Variants in MCF2L2 observed in about 807,000 individuals in gnomAD.
MCF2L2 encodes the protein probable guanine nucleotide exchange factor MCF2L2.
Under a neutral mutation model 150.2 loss-of-function variants are expected in MCF2L2, and 102 were observed. The observed-to-expected ratio is 0.68, with a 90% confidence interval of 0.58 to 0.80. MCF2L2 has a LOEUF of 0.80. Among genes scored for constraint, MCF2L2 ranks in the 30% least tolerant of loss-of-function variants. The pLI, the probability that MCF2L2 is intolerant of heterozygous loss-of-function variation, is 0.00. For missense variants in MCF2L2, 1,256 were observed against 1,372.8 expected (o/e 0.91, Z 1.34); for synonymous variants, 465 against 491.3 (o/e 0.95, Z 0.71).
chr3:183,217,515 A>G (rs1259176756), intron 21 of MCF2L2, among the ~76,000 whole-genome samples: 1 of 152,080 alleles, frequency 6.6e-6, no homozygotes, highest in Non-Finnish European at 1.5e-5. Context: ...CAATCTGAGT[A>G]TCATATTCCT....
chr3:183,206,109 G>C lies in MCF2L2; in HGVS notation c.2805+13C>G, dbSNP rs1341094529. The C allele has an allele frequency of 6.2e-7, 1 of 1,611,048 alleles. No individual in the cohort carries two copies. ...AGAGTAGAGGAGACCCATGGGGAAG[G>C]CATGAGCGTTACCTGCAGGATGTAT... On this transcript the variant is annotated intron_variant, in intron 24 of 29. Coordinates refer to ENST00000328913, the MANE Select transcript of MCF2L2 (RefSeq NM_015078.4).
chr3:183,284,143 G>C (rs1727659093), intron 14 of MCF2L2, among the ~76,000 whole-genome samples: 1 of 152,122 alleles, frequency 6.6e-6, no homozygotes, highest in Non-Finnish European at 1.5e-5. Context: ...ATTGGTGAAA[G>C]AGCAAGGCCA....
At chr3:183,397,891 G>T (rs1714549513) in intron 1 of MCF2L2, among the ~76,000 whole-genome samples, 1 of 152,130 alleles carries the variant, frequency 6.6e-6, no homozygotes, top group Admixed American at 6.5e-5. Flanking sequence ...TTAAATAAAT[G>T]ATGATAAAGC....
intron 15 of MCF2L2, among the ~76,000 whole-genome samples, chr3:183,243,921 G>T (rs1286899161): frequency 6.6e-6 from 1 of 152,064 alleles, no homozygotes; most frequent in African/African-American, 2.4e-5. Flanking sequence ...CGGATCACGA[G>T]GTCAGGAGAC....
chr3:183,368,861 C>G (rs1364284475), intron 3 of MCF2L2, among the ~76,000 whole-genome samples: 1 of 152,178 alleles, frequency 6.6e-6, no homozygotes, highest in Non-Finnish European at 1.5e-5. Flanking sequence ...ACTGAATGTA[C>G]ATCATTACTA....
intron 3 of MCF2L2, among the ~76,000 whole-genome samples, chr3:183,355,857 A>C (rs995914959): frequency 6.6e-6 from 1 of 152,050 alleles, no homozygotes; most frequent in South Asian, 2.1e-4. Context: ...GATGCCCCAG[A>C]TTCTGCATTT....
Position 183,179,923 on chromosome 3 carries a change from G to C in MCF2L2, c.3105+148C>G. On this transcript the variant is annotated intron_variant, in intron 28 of 29. Transcript: ENST00000328913. The surrounding 1 kb of genome is among the most constrained non-coding windows in gnomAD (Gnocchi z 4.2). ...GGGTCAGAGCCAGTTTGAGGGTCTG[G>C]TGACCTCGGCTCCCTGGCTTAACCA... The C allele has an allele frequency of 1.3e-6, 1 of 767,404 alleles. No homozygotes were observed. Among genetic ancestry groups the C allele is most frequent in the East Asian group, 2.5e-5 (1 of 40,816 alleles). The allele number at this position is 767,404 out of a possible 1,614,324, so 47.5% of individuals were successfully genotyped here.
chr3:183,358,983 G>A (rs1711960082), intron 3 of MCF2L2, among the ~76,000 whole-genome samples: 1 of 151,150 alleles, frequency 6.6e-6, no homozygotes, highest in South Asian at 2.1e-4. Context: ...TGATCATGAA[G>A]CAGTGGAAAA....
chr3:183,336,646 G>A (rs1242209192), intron 5 of MCF2L2, among the ~76,000 whole-genome samples: 1 of 150,956 alleles, frequency 6.6e-6, no homozygotes, highest in Non-Finnish European at 1.5e-5. Flanking sequence ...TCAGGAGTTC[G>A]AGACCAGCCT....
chr3:183,291,226 G>A (rs570298359), intron 13 of MCF2L2, among the ~76,000 whole-genome samples: 15 of 152,286 alleles, frequency 9.8e-5, no homozygotes, highest in African/African-American at 3.6e-4. Context: ...GCCTGTCCTT[G>A]ACACTGTAAG....
At chr3:183,340,347 A>G (rs573960021) in intron 4 of MCF2L2, among the ~76,000 whole-genome samples, 1 of 152,192 alleles carries the variant, frequency 6.6e-6, no homozygotes, top group South Asian at 2.1e-4. Context: ...GCTTTACCAC[A>G]CTACCACATC....
chr3:183,351,212 A>ATATATATATATATG (rs1731111819), intron 3 of MCF2L2, among the ~76,000 whole-genome samples: 1 of 82,118 alleles, frequency 1.2e-5, no homozygotes, highest in Non-Finnish European at 2.3e-5. Flanking sequence ...ATATATATAT[A>ATATATATATATATG]TATATATATA....
At chr3:183,306,766 T>G (rs1729119176) in intron 10 of MCF2L2, among the ~76,000 whole-genome samples, 1 of 152,222 alleles carries the variant, frequency 6.6e-6, no homozygotes, top group East Asian at 1.9e-4. Context: ...CACAAAGCCA[T>G]GACCCTCCAA....
intron 15 of MCF2L2, among the ~76,000 whole-genome samples, chr3:183,252,980 G>T (rs1445233686): frequency 6.6e-6 from 1 of 152,204 alleles, no homozygotes; most frequent in African/African-American, 2.4e-5. Flanking sequence ...TCTAAAGGAG[G>T]AAAATAGCTC....
At chr3:183,266,605 A>G (rs1415358621) in intron 15 of MCF2L2, among the ~76,000 whole-genome samples, 2 of 152,186 alleles carry the variant, frequency 1.3e-5, no homozygotes, top group Non-Finnish European at 1.5e-5. Flanking sequence ...TGAGAGAGCA[A>G]CTGAGAGAAA....
At chr3:183,218,217 G>A (rs1430201041) in intron 21 of MCF2L2, among the ~76,000 whole-genome samples, 1 of 152,312 alleles carries the variant, frequency 6.6e-6, no homozygotes, top group Non-Finnish European at 1.5e-5. Flanking sequence ...GGAATAGATC[G>A]TGCTGCTGCC....
In MCF2L2 at chr3:183,263,681, T is replaced by G. The variant is rs534399832; in HGVS notation, c.1862+13191A>C. Reference sequence around the variant, plus strand: ...CAGTCCTGTCTAACTCGTCTTAGATTATTACCCCCTGGACATCTGTACCTT... The same window carrying G: ...CAGTCCTGTCTAACTCGTCTTAGATGATTACCCCCTGGACATCTGTACCTT... On this transcript the variant is annotated intron_variant, in intron 15 of 29. Transcript: ENST00000328913. 3.4e-4 allele frequency among the ~76,000 whole-genome samples: 52 copies of G among 152,246 alleles called. 1 individual carries two copies. The South Asian group carries it at 7.7e-3, about 22-fold the overall frequency.
intron 3 of MCF2L2, among the ~76,000 whole-genome samples, chr3:183,348,960 C>T (rs185802998): frequency 6.6e-6 from 1 of 152,192 alleles, no homozygotes; most frequent in African/African-American, 2.4e-5. Context: ...GAACAAGCAG[C>T]CAAAAATTAG....
At chr3:183,251,297 C>T (rs778110939) in intron 15 of MCF2L2, among the ~76,000 whole-genome samples, 13 of 152,182 alleles carry the variant, frequency 8.5e-5, no homozygotes, top group Non-Finnish European at 1.8e-4. Flanking sequence ...GGTTATCAGA[C>T]CTGCTTCTCC....
Sources: gnomAD v4.1 joint callset for allele counts (sites outside exome capture counted in the v4.1 genomes callset) on GRCh38, gnomAD v4.1.1 for gene constraint, Gnocchi (gnomAD v3.1) non-coding constraint, MANE v1.5 for transcripts, NCBI Gene and HGNC (gene_info 2026-07-23, HGNC 2026-07-21) for gene names.